The following CHST11 variants were observed in gnomAD, a reference collection of about 807,000 sequenced individuals.
CHST11 encodes C4S-1.
In CHST11, 9 loss-of-function variants were observed where a neutral mutation model predicts 30.4. The ratio of observed to expected loss-of-function variants is 0.30; its 90% CI spans 0.18 to 0.52. CHST11 has a LOEUF of 0.52. CHST11 is among the 20% of genes least tolerant of loss of function. The probability of loss-of-function intolerance (pLI) is 0.97; values close to 1 mark genes in which losing one functional copy is unlikely to be tolerated. For synonymous variants in CHST11, 152 were observed against 187.8 expected (o/e 0.81, Z 1.56); for missense variants, 348 against 460.6 (o/e 0.76, Z 2.24).
rs530288916 is a variant in CHST11 at position 104,614,915 on chromosome 12, C to T, written c.204+12924C>T. Reference sequence around the variant, plus strand: ...CTCCTGGGCAGGCGTTCTCCATCCACACCCCTCTTCTTGGATAGAGAGGAT... The same window carrying T: ...CTCCTGGGCAGGCGTTCTCCATCCATACCCCTCTTCTTGGATAGAGAGGAT... On this transcript the variant is annotated intron_variant, in intron 2 of 2. Transcript: ENST00000303694. Among the ~76,000 whole-genome samples the T allele has an allele frequency of 3.3e-5, 5 of 152,300 alleles. No individual in the cohort carries two copies. In the East Asian group the frequency reaches 9.6e-4, roughly 29 times the overall value.
chr12:104,585,513 G>C (rs951466154), intron 1 of CHST11, among the ~76,000 whole-genome samples: 4 of 152,220 alleles, frequency 2.6e-5, no homozygotes, highest in African/African-American at 9.6e-5. Context: ...GCCAGGCCCT[G>C]CTCGAAACAC....
At chr12:104,665,387 T>C (rs10861266) in intron 2 of CHST11, among the ~76,000 whole-genome samples, 49,155 of 152,058 alleles carry the variant, frequency 0.32, 8,174 homozygotes, top group Middle Eastern at 0.4. Flanking sequence ...TTTACAAATG[T>C]ATCATAGTCC....
In CHST11 at chr12:104,758,027, A is replaced by G. The variant is rs2040494797; in HGVS notation, c.*224A>G. ...TGTCTGTAGAAGTGAATACTGCAAC[A>G]CTGTCTCAAAGGTTTCTTGTGTTCT... On this transcript the variant is annotated 3_prime_UTR_variant, in exon 3 of 3. Coordinates refer to ENST00000303694, the MANE Select transcript of CHST11 (RefSeq NM_018413.6). 2.0e-6 allele frequency: 1 copy of G among 504,190 alleles called. No homozygotes were observed. Among genetic ancestry groups the G allele is most frequent in the Non-Finnish European group, 3.5e-6 (1 of 287,236 alleles). 31.2% of individuals were successfully genotyped at this position (504,190 alleles called of 1,614,324 possible).
chr12:104,637,302 TAAAAA>T (rs10622882), intron 2 of CHST11, among the ~76,000 whole-genome samples: 1 of 62,572 alleles, frequency 1.6e-5, no homozygotes, highest in Non-Finnish European at 2.7e-5. Context: ...TGAGACCCTG[TAAAAA>T]AAAAAAAAAA....
chr12:104,521,123 A>G (rs1311969360), intron 1 of CHST11, among the ~76,000 whole-genome samples: 2 of 152,254 alleles, frequency 1.3e-5, no homozygotes, highest in Non-Finnish European at 2.9e-5. Flanking sequence ...ACATATTTGT[A>G]GATGAATGAC....
chr12:104,575,361 C>T lies in CHST11; in HGVS notation c.119-26545C>T, dbSNP rs370096214. Among the ~76,000 whole-genome samples, 28 of 152,204 alleles carry T rather than the reference C, an allele frequency of 1.8e-4. 1 individual carries two copies. The East Asian group carries it at 2.7e-3, about 15-fold the overall frequency. ...GTGTTCTTGCTATGAACAGAAAAGGCCCCAGGAGCTTGCCATTAAGGGATG... is the reference window on the plus strand; with the variant it reads ...GTGTTCTTGCTATGAACAGAAAAGGTCCCAGGAGCTTGCCATTAAGGGATG... On this transcript the variant is annotated intron_variant, in intron 1 of 2. Transcript: ENST00000303694.
At chr12:104,522,749 T>C (rs2038085926) in intron 1 of CHST11, among the ~76,000 whole-genome samples, 1 of 152,230 alleles carries the variant, frequency 6.6e-6, no homozygotes, top group Non-Finnish European at 1.5e-5. Flanking sequence ...CCTAAAGTGC[T>C]GGAATTACTG....
chr12:104,479,537 G>A (rs1565956386), intron 1 of CHST11, among the ~76,000 whole-genome samples: 1 of 152,140 alleles, frequency 6.6e-6, no homozygotes, highest in Non-Finnish European at 1.5e-5. Flanking sequence ...TTGAGAGTAA[G>A]GTTGGGAGTG....
intron 2 of CHST11, among the ~76,000 whole-genome samples, chr12:104,646,178 A>C: frequency 1.3e-5 from 2 of 150,560 alleles, no homozygotes; most frequent in Admixed American, 6.6e-5. Context: ...TGCGAGATCC[A>C]CTCCCCGCAT....
At chr12:104,517,471 C>T (rs374650146) in intron 1 of CHST11, among the ~76,000 whole-genome samples, 9 of 152,276 alleles carry the variant, frequency 5.9e-5, no homozygotes, top group African/African-American at 2.2e-4. Flanking sequence ...GCAATCATCA[C>T]TTGTACACCA....
At chr12:104,577,862 C>G (rs2038700707) in intron 1 of CHST11, among the ~76,000 whole-genome samples, 1 of 152,162 alleles carries the variant, frequency 6.6e-6, no homozygotes, top group South Asian at 2.1e-4. Context: ...TACCACGTGT[C>G]AACAAAAGAT....
intron 1 of CHST11, among the ~76,000 whole-genome samples, chr12:104,574,429 A>G (rs971416467): frequency 1.1e-4 from 16 of 152,260 alleles, no homozygotes; most frequent in African/African-American, 3.4e-4. Flanking sequence ...TTGTGGCACT[A>G]TTCGCAATAG....
chr12:104,621,234 T>C (rs1269776864), intron 2 of CHST11, among the ~76,000 whole-genome samples: 1 of 152,206 alleles, frequency 6.6e-6, no homozygotes, highest in East Asian at 1.9e-4. Flanking sequence ...AGGATCTGTT[T>C]GGAGAATAAA....
rs141726097 is a variant in CHST11 at position 104,488,109 on chromosome 12, T to C, written c.118+30580T>C. The stretch of plus-strand genomic sequence containing the variant: ...GCAAACTTTTCAAAAACAAACATTA[T>C]CTGGCAACTAATTTTTTTATATGGA... On this transcript the variant is annotated intron_variant, in intron 1 of 2. Coordinates refer to ENST00000303694, the MANE Select transcript of CHST11 (RefSeq NM_018413.6). Among the ~76,000 whole-genome samples the C allele has an allele frequency of 2.4e-4, 37 of 152,228 alleles. No homozygotes were observed. In the East Asian group the frequency reaches 5.6e-3, roughly 23 times the overall value.
chr12:104,738,878 C>T (rs142630556), intron 2 of CHST11, among the ~76,000 whole-genome samples: 1 of 152,390 alleles, frequency 6.6e-6, no homozygotes, highest in East Asian at 1.9e-4. Flanking sequence ...CTGGGCTCCC[C>T]CAGCGCCTCA....
At chr12:104,664,235 C>T (rs1194149212) in intron 2 of CHST11, among the ~76,000 whole-genome samples, 1 of 152,098 alleles carries the variant, frequency 6.6e-6, no homozygotes, top group African/African-American at 2.4e-5. Context: ...GGTGAAGCGG[C>T]GGGAACATTT....
chr12:104,460,755 C>A (rs945401224), intron 1 of CHST11, among the ~76,000 whole-genome samples: 5 of 151,600 alleles, frequency 3.3e-5, no homozygotes, highest in African/African-American at 1.2e-4. Flanking sequence ...ATTATCTTTT[C>A]TAATTCATAG....
chr12:104,697,001 C>T (rs575439598), intron 2 of CHST11, among the ~76,000 whole-genome samples: 4 of 152,312 alleles, frequency 2.6e-5, no homozygotes, highest in Non-Finnish European at 5.9e-5. Context: ...ATATTGCATT[C>T]TATTTATGTA....
At chr12:104,668,948 G>C (rs542373074) in intron 2 of CHST11, among the ~76,000 whole-genome samples, 2 of 151,204 alleles carry the variant, frequency 1.3e-5, no homozygotes, top group African/African-American at 4.9e-5. Flanking sequence ...TGTGGGCAAG[G>C]AACACGGCCC....
Sources: allele counts gnomAD v4.1 joint callset (sites outside exome capture counted in the v4.1 genomes callset), GRCh38; gene constraint gnomAD v4.1.1; transcripts MANE v1.5; gene names NCBI Gene and HGNC (gene_info 2026-07-23, HGNC 2026-07-21).